Variants in RNLS observed in about 807,000 individuals in gnomAD.
RNLS encodes the protein renalase, FAD dependent amine oxidase, also known as renalase.
In RNLS, 39 loss-of-function variants were observed where a neutral mutation model predicts 39.8. That is an observed-to-expected ratio of 0.98 (90% CI 0.76 to 1.28). RNLS has a LOEUF of 1.28. RNLS is among the 50% of genes most tolerant of loss of function. The probability of loss-of-function intolerance (pLI) is 0.00; values close to 1 mark genes in which losing one functional copy is unlikely to be tolerated. For synonymous variants in RNLS, 147 were observed against 150.7 expected, an observed-to-expected ratio of 0.98 and a Z score of 0.18; for missense variants, 410 against 413.3, an observed-to-expected ratio of 0.99 and a Z score of 0.07.
intron 4 of RNLS, among the ~76,000 whole-genome samples, chr10:88,558,416 T>C (rs1682894146): frequency 6.6e-6 from 1 of 152,206 alleles, no homozygotes; most frequent in Non-Finnish European, 1.5e-5. Context: ...TGTGTTGATA[T>C]TGGAATTATC....
Position 88,583,113 on chromosome 10 carries a change from A to G in RNLS, c.78T>C (p.Gly26=). 6.2e-7 allele frequency: 1 copy of G among 1,614,112 alleles called. No individual in the cohort carries two copies. The highest frequency in any genetic ancestry group is 8.5e-7 in the Non-Finnish European group (1 of 1,179,962). ...TGTCCCACACAGCAAGGTACAAGGG[A>G]CCGGACGTCTGCCTCCTCAGCAGCG... is the stretch of plus-strand genomic sequence containing the variant. ...CAALLRRQTS[G]PLYLAVWDKA... is the part of the protein sequence containing the mutation. Residue 26 remains glycine (G), a synonymous_variant, in exon 1 of 7, where the codon GGT becomes GGC. Coordinates refer to ENST00000331772, the MANE Select transcript of RNLS (RefSeq NM_001031709.3).
At chr10:88,277,588 A>C (rs1842859021) in intron 6 of RNLS, among the ~76,000 whole-genome samples, 1 of 152,190 alleles carries the variant, frequency 6.6e-6, no homozygotes, top group Non-Finnish European at 1.5e-5. Flanking sequence ...TGACCTTTGA[A>C]TGTTTGTAAT....
chr10:88,203,268 GTATA>G, the RNLS span, among the ~76,000 whole-genome samples: 9 of 16,796 alleles, frequency 5.4e-4, 1 homozygote, highest in Middle Eastern at 0.036. Flanking sequence ...GTGTGTGTAT[GTATA>G]TATATATATA....
At chr10:88,171,755 C>A in the RNLS span, among the ~76,000 whole-genome samples, 1 of 152,074 alleles carries the variant, frequency 6.6e-6, no homozygotes, top group Admixed American at 6.5e-5. Flanking sequence ...ACTATAATCA[C>A]CCTACAGTGC....
Position 88,581,681 on chromosome 10 carries a change from C to T in RNLS, c.253G>A (p.Val85Ile), listed in dbSNP as rs143513862. ...ATAGGCGAGCTTAGAGGCCTCAAAA[C>T]GCCATAGGCTAACAGTTCATCATAA... ...RFYDELLAYG[V>I]LRPLSSPIEG... The change falls in exon 3 of 7, where the codon GTT (valine) becomes ATT (isoleucine). Residue 85 changes from valine to isoleucine, a missense_variant. Coordinates refer to ENST00000331772, the MANE Select transcript of RNLS (RefSeq NM_001031709.3). 3.4e-5 allele frequency: 54 copies of T among 1,588,352 alleles called. No individual in the cohort carries two copies. The highest frequency in any genetic ancestry group is 4.1e-5 in the African/African-American group (3 of 73,556).
At chr10:88,471,212 C>T (rs530475719) in intron 4 of RNLS, among the ~76,000 whole-genome samples, 6 of 152,064 alleles carry the variant, frequency 3.9e-5, no homozygotes, top group African/African-American at 1.2e-4. Context: ...CATAATATTA[C>T]TATTAAGGGA....
At chr10:88,582,583 A>C (rs181149389) in intron 1 of RNLS, among the ~76,000 whole-genome samples, 82 of 152,326 alleles carry the variant, frequency 5.4e-4, no homozygotes, top group Admixed American at 1.3e-3. Flanking sequence ...TGAGTCAACT[A>C]ATGCTCTTTC....
chr10:88,406,937 G>A (rs1053891226), intron 4 of RNLS, among the ~76,000 whole-genome samples: 5 of 152,070 alleles, frequency 3.3e-5, no homozygotes, highest in Non-Finnish European at 5.9e-5. Flanking sequence ...TCTAAGTGAA[G>A]TAACTCAGGA....
chr10:88,351,038 A>C (rs1367262675), intron 5 of RNLS, among the ~76,000 whole-genome samples: 7 of 152,118 alleles, frequency 4.6e-5, no homozygotes, highest in Non-Finnish European at 7.4e-5. Context: ...TTCTTTTGAG[A>C]AGTGTCTGTT....
At chr10:88,301,749 T>A (rs1309099476) in intron 6 of RNLS, among the ~76,000 whole-genome samples, 1 of 152,214 alleles carries the variant, frequency 6.6e-6, no homozygotes, top group Non-Finnish European at 1.5e-5. Context: ...CTTATGGTAA[T>A]GACTAAGTGT....
intron 4 of RNLS, among the ~76,000 whole-genome samples, chr10:88,534,409 T>C (rs1239132018): frequency 2.0e-5 from 3 of 152,112 alleles, no homozygotes; most frequent in Non-Finnish European, 4.4e-5. Context: ...GGAATTGCTC[T>C]GAGCTGGCAT....
intron 4 of RNLS, among the ~76,000 whole-genome samples, chr10:88,492,685 C>A (rs1215146685): frequency 6.6e-6 from 1 of 152,112 alleles, no homozygotes; most frequent in Non-Finnish European, 1.5e-5. Flanking sequence ...TTCTAGAGTG[C>A]TAGGATTACA....
At chr10:88,175,560 C>G in the RNLS span, among the ~76,000 whole-genome samples, 259 of 152,004 alleles carry the variant, frequency 1.7e-3, 1 homozygote, top group Admixed American at 0.013. Context: ...TCCAAAGTTC[C>G]TCTTGTTACT....
At chr10:88,536,190 A>G (rs559994157) in intron 4 of RNLS, among the ~76,000 whole-genome samples, 1 of 152,272 alleles carries the variant, frequency 6.6e-6, no homozygotes, top group South Asian at 2.1e-4. Flanking sequence ...GTGTTATGTG[A>G]AATACCTAAT....
At chr10:88,477,241 C>T (rs1336066348) in intron 4 of RNLS, among the ~76,000 whole-genome samples, 3 of 150,218 alleles carry the variant, frequency 2.0e-5, no homozygotes, top group Non-Finnish European at 4.4e-5. Flanking sequence ...GGAGAAAGTG[C>T]AAAGTGCTGA....
chr10:88,531,505 G>T (rs1329595807), intron 4 of RNLS, among the ~76,000 whole-genome samples: 1 of 152,022 alleles, frequency 6.6e-6, no homozygotes, highest in East Asian at 1.9e-4. Context: ...AGTTATGAAG[G>T]CAAAGTGCTT....
intron 5 of RNLS, among the ~76,000 whole-genome samples, chr10:88,359,149 C>T (rs911257254): frequency 3.9e-5 from 6 of 152,066 alleles, no homozygotes; most frequent in African/African-American, 1.4e-4. Flanking sequence ...CCCGTCTCTA[C>T]TACAAGTACA....
the RNLS span, among the ~76,000 whole-genome samples, chr10:88,254,584 G>A: frequency 7.2e-5 from 11 of 152,178 alleles, no homozygotes; most frequent in Non-Finnish European, 1.5e-4. Context: ...AGACACACCT[G>A]TATTTTTTGC....
chr10:88,246,501 A>G, the RNLS span, among the ~76,000 whole-genome samples: 1 of 152,012 alleles, frequency 6.6e-6, no homozygotes, highest in African/African-American at 2.4e-5. Flanking sequence ...CTGCCATATA[A>G]TCAGGGATGT....
Sources: allele counts gnomAD v4.1 joint callset (sites outside exome capture counted in the v4.1 genomes callset), GRCh38; gene constraint gnomAD v4.1.1; transcripts MANE v1.5; gene names NCBI Gene and HGNC (gene_info 2026-07-23, HGNC 2026-07-21).